Variants in LHX6 observed in about 807,000 individuals in gnomAD.
LHX6 encodes LIM/homeobox protein Lhx6.
LHX6 carries 15 observed loss-of-function variants against 47.1 expected under a neutral mutation model. That is an observed-to-expected ratio of 0.32 (90% CI 0.21 to 0.49). LHX6 has a LOEUF of 0.49. Ranked by LOEUF, LHX6 falls within the 20% of genes least tolerant of loss-of-function variation. LHX6 has a pLI of 0.99. For synonymous variants in LHX6, 242 were observed against 233.5 expected (o/e 1.04, Z -0.33); for missense variants, 404 against 539.6 (o/e 0.75, Z 2.49).
chr9:122,214,523 C>A lies in LHX6; in HGVS notation c.683-140G>T. ...GGAGCAGGGATCCCAGGGTCCTAGT[C>A]CCTGAGCTCAGTCTTTGGGGAAGGG... is the stretch of plus-strand genomic sequence containing the variant. On this transcript the variant is annotated intron_variant, in intron 5 of 9. Transcript: ENST00000394319. The surrounding 1 kb of genome is among the most constrained non-coding windows in gnomAD (Gnocchi z 4.6). The A allele has an allele frequency of 2.4e-6, 3 of 1,235,806 alleles. No individual in the cohort carries two copies. Among genetic ancestry groups the A allele is most frequent in the Non-Finnish European group, 1.1e-6 (1 of 940,732 alleles). 76.6% of individuals were successfully genotyped at this position (1,235,806 alleles called of 1,614,324 possible). A position where few individuals can be genotyped will look rare whatever the true frequency, so the allele number is the denominator to read the frequency against.
chr9:122,226,944 G>A lies in LHX6; in HGVS notation c.243C>T (p.Val81=). ...ASPCTPSTPS[V]CSPPSAASSV... ...AGGAGGCGGCAGAGGGCGGTGAGCA[G>A]ACAGATGGCGTGCTGGGCGTACATG... Residue 81 remains valine, a synonymous_variant, in exon 3 of 10, where the codon GTC becomes GTT. Coordinates refer to ENST00000394319, the MANE Select transcript of LHX6 (RefSeq NM_014368.5). This position sits in a 1 kb window ranked among gnomAD's most constrained non-coding sequence, Gnocchi z 6.5. The A allele has an allele frequency of 6.4e-7, 1 of 1,557,336 alleles. No individual in the cohort carries two copies. The highest frequency in any genetic ancestry group is 8.7e-7 in the Non-Finnish European group (1 of 1,150,662).
chr9:122,214,170 G>C lies in LHX6; in HGVS notation c.784-101C>G. The C allele has an allele frequency of 7.1e-7, 1 of 1,399,744 alleles. No homozygotes were observed. The highest frequency in any genetic ancestry group is 9.5e-7 in the Non-Finnish European group (1 of 1,049,208). The allele number at this position is 1,399,744 out of a possible 1,614,324, so 86.7% of individuals were successfully genotyped here. On this transcript the variant is annotated intron_variant, in intron 6 of 9. Transcript: ENST00000394319. The surrounding 1 kb of genome is among the most constrained non-coding windows in gnomAD (Gnocchi z 4.6). ...CACAGGCCACGCCCCAGGCAGCTGC[G>C]GCCCCGCCCCGCCACCCGGGTCCGG...
chr9:122,227,482 T>C lies in LHX6; in HGVS notation c.85-2A>G. 1 of 369,182 alleles carries C rather than the reference T, an allele frequency of 2.7e-6. No homozygotes were observed. The highest frequency in any genetic ancestry group is 1.9e-5 in the South Asian group (1 of 52,274). 22.9% of individuals were successfully genotyped at this position (369,182 alleles called of 1,614,324 possible). ...GCCGGACCCTGGCTGGGCCATCACC[T>C]GGGGGAGGGGGGGAGGGAACGCAGG... is the stretch of plus-strand genomic sequence containing the variant. On this transcript the variant is annotated splice_acceptor_variant, in intron 1 of 9. Coordinates refer to ENST00000394319, the MANE Select transcript of LHX6 (RefSeq NM_014368.5). LOFTEE classifies it high-confidence loss of function.
intron 2 of LHX6, 22 bp from the exon 3 acceptor site, chr9:122,227,052 G>A: frequency 6.8e-7 from 1 of 1,460,148 alleles, no homozygotes; most frequent in Non-Finnish European, 9.0e-7. Context: ...GAGAGAAGGA[G>A]AGGAGCGCTG....
chr9:122,227,046 G>A lies in LHX6; in HGVS notation c.157-16C>T. The A allele has an allele frequency of 1.4e-6, 2 of 1,468,750 alleles. No individual in the cohort carries two copies. The highest frequency in any genetic ancestry group is 1.4e-5 in the South Asian group (1 of 71,094). 91.0% of individuals were successfully genotyped at this position (1,468,750 alleles called of 1,614,324 possible). ...CAGACTGAGCCTGCGGCGGGGGAGA[G>A]AAGGAGAGGAGCGCTGATCCGGGCA... On this transcript the variant is annotated splice_polypyrimidine_tract_variant and intron_variant, in intron 2 of 9. Transcript: ENST00000394319.
chr9:122,204,316 T>C lies in LHX6; in HGVS notation c.*444A>G, dbSNP rs1830088920. 5.1e-6 allele frequency: 1 copy of C among 197,162 alleles called. No individual in the cohort carries two copies. The highest frequency in any genetic ancestry group is 6.1e-5 in the Admixed American group (1 of 16,434). 12.2% of individuals were successfully genotyped at this position (197,162 alleles called of 1,614,324 possible). A position where few individuals can be genotyped will look rare whatever the true frequency, so the allele number is the denominator to read the frequency against. On this transcript the variant is annotated 3_prime_UTR_variant, in exon 10 of 10. Transcript: ENST00000394319. ...TTCCAGACAAAAGCAACAGAGTGGATAACATTGGGGGTTGTCAGCTATTCA... is the reference window on the plus strand; with the variant it reads ...TTCCAGACAAAAGCAACAGAGTGGACAACATTGGGGGTTGTCAGCTATTCA...
chr9:122,213,887 C>A lies in LHX6; in HGVS notation c.879+87G>T, dbSNP rs1341558014. 4 of 1,515,342 alleles carry A rather than the reference C, an allele frequency of 2.6e-6. No homozygotes were observed. In the South Asian group the frequency reaches 4.7e-5, roughly 18 times the overall value. 93.9% of individuals were successfully genotyped at this position (1,515,342 alleles called of 1,614,324 possible). A position where few individuals can be genotyped will look rare whatever the true frequency, so the allele number is the denominator to read the frequency against. On this transcript the variant is annotated intron_variant, in intron 7 of 9. Coordinates refer to ENST00000394319, the MANE Select transcript of LHX6 (RefSeq NM_014368.5). The surrounding 1 kb of genome is among the most constrained non-coding windows in gnomAD (Gnocchi z 5.5). ...GTCGCCTCCTGGAGAAGGATGGCCA[C>A]GTGCACGCACCACCCTCCGCGCCGA...
At chr9:122,227,669 A>G in intron 1 of LHX6, 189 bp from the exon 2 acceptor site, 1 of 1,277,394 alleles carries the variant, frequency 7.8e-7, no homozygotes, top group Non-Finnish European at 1.0e-6. Context: ...TTGAATTTGG[A>G]TTGGATTTTT....
At position 122,214,558 on chromosome 9, in the gene LHX6, C is replaced by A. The variant is rs894872338; in HGVS notation, c.683-175G>T. ...AGTCTTTGGGGAAGGGGTTTCTGAG[C>A]GTCCGCTTAGTACTGGACACTTCTT... On this transcript the variant is annotated intron_variant, in intron 5 of 9. Coordinates refer to ENST00000394319, the MANE Select transcript of LHX6 (RefSeq NM_014368.5). This position sits in a 1 kb window ranked among gnomAD's most constrained non-coding sequence, Gnocchi z 4.6. 5.7e-6 allele frequency: 3 copies of A among 522,614 alleles called. No individual in the cohort carries two copies. The highest frequency in any genetic ancestry group is 7.4e-6 in the Non-Finnish European group (3 of 406,928). 32.4% of individuals were successfully genotyped at this position (522,614 alleles called of 1,614,324 possible). A position where few individuals can be genotyped will look rare whatever the true frequency, so the allele number is the denominator to read the frequency against.
At chr9:122,216,800 A>G (rs750312349) in intron 5 of LHX6, among the ~76,000 whole-genome samples, 20 of 152,204 alleles carry the variant, frequency 1.3e-4, no homozygotes, top group Non-Finnish European at 2.8e-4. Flanking sequence ...CAGCTAGCTC[A>G]TCTATCTTTG....
At chr9:122,216,455 G>A (rs914578716) in intron 5 of LHX6, among the ~76,000 whole-genome samples, 1 of 152,220 alleles carries the variant, frequency 6.6e-6, no homozygotes, top group African/African-American at 2.4e-5. Context: ...CAGATGTAGG[G>A]ACTGAGGCCC....
In LHX6 at chr9:122,213,549, G is replaced by C; in HGVS notation, c.1054+57C>G. The C allele has an allele frequency of 1.4e-6, 2 of 1,461,368 alleles. No individual in the cohort carries two copies. Among genetic ancestry groups the C allele is most frequent in the African/African-American group, 1.4e-5 (1 of 71,110 alleles). The allele number at this position is 1,461,368 out of a possible 1,614,324, so 90.5% of individuals were successfully genotyped here. ...GCCTCGGCCTCAGCCGCCCACGTGC[G>C]CTCCTCCGCGCCCCCTCCCCGCAGG... is the stretch of plus-strand genomic sequence containing the variant. On this transcript the variant is annotated intron_variant, in intron 8 of 9. Coordinates refer to ENST00000394319, the MANE Select transcript of LHX6 (RefSeq NM_014368.5). This position sits in a 1 kb window ranked among gnomAD's most constrained non-coding sequence, Gnocchi z 5.5.
In LHX6 at chr9:122,214,485, C is replaced by A; in HGVS notation, c.683-102G>T. 7.2e-7 allele frequency: 1 copy of A among 1,390,438 alleles called. No homozygotes were observed. The allele number at this position is 1,390,438 out of a possible 1,614,324, so 86.1% of individuals were successfully genotyped here. ...AGCTTGTCCCTGGAAGGGTCAGGAG[C>A]GGGAGTTGGCTGGGAGCAGGGATCC... On this transcript the variant is annotated intron_variant, in intron 5 of 9. Transcript: ENST00000394319. This position sits in a 1 kb window ranked among gnomAD's most constrained non-coding sequence, Gnocchi z 4.6.
In LHX6 at chr9:122,214,529, G is replaced by C; in HGVS notation, c.683-146C>G. 1 of 1,197,306 alleles carries C rather than the reference G, an allele frequency of 8.4e-7. No homozygotes were observed. The highest frequency in any genetic ancestry group is 3.6e-5 in the Admixed American group (1 of 27,460). 74.2% of individuals were successfully genotyped at this position (1,197,306 alleles called of 1,614,324 possible). A position where few individuals can be genotyped will look rare whatever the true frequency, so the allele number is the denominator to read the frequency against. ...GGGATCCCAGGGTCCTAGTCCCTGA[G>C]CTCAGTCTTTGGGGAAGGGGTTTCT... is the stretch of plus-strand genomic sequence containing the variant. On this transcript the variant is annotated intron_variant, in intron 5 of 9. Coordinates refer to ENST00000394319, the MANE Select transcript of LHX6 (RefSeq NM_014368.5). The surrounding 1 kb of genome is among the most constrained non-coding windows in gnomAD (Gnocchi z 4.6).
rs752798437 is a variant in LHX6 at position 122,217,231 on chromosome 9, C to T, written c.519G>A (p.Val173=). ...GGTAGGCGTTGCCGCGAGCTCTCCG[C>T]ACCCAGTCGCTGGCGTAGATCTGTC... ...CGRQIYASDW[V]RRARGNAYHL... The change falls in exon 5 of 10, where the codon GTG becomes GTA. Residue 173 remains valine (V), a synonymous_variant. Coordinates refer to ENST00000394319, the MANE Select transcript of LHX6 (RefSeq NM_014368.5). The surrounding 1 kb of genome is among the most constrained non-coding windows in gnomAD (Gnocchi z 4.9). The T allele has an allele frequency of 1.2e-6, 2 of 1,613,978 alleles. No homozygotes were observed. The highest frequency in any genetic ancestry group is 3.3e-5 in the Admixed American group (2 of 60,004).
Position 122,226,705 on chromosome 9 carries a change from C to T in LHX6, c.339+143G>A, listed in dbSNP as rs539448777. ...ACGGAACCCGGGGGCTCAGGCAGACCCTAAGTCTTGCCCAAAGCTTCGCAG... is the reference window on the plus strand; with the variant it reads ...ACGGAACCCGGGGGCTCAGGCAGACTCTAAGTCTTGCCCAAAGCTTCGCAG... On this transcript the variant is annotated intron_variant, in intron 3 of 9. Transcript: ENST00000394319. This position sits in a 1 kb window ranked among gnomAD's most constrained non-coding sequence, Gnocchi z 6.5. The T allele has an allele frequency of 3.2e-6, 4 of 1,239,218 alleles. No homozygotes were observed. Among genetic ancestry groups the T allele is most frequent in the Middle Eastern group, 2.8e-4 (1 of 3,546 alleles). The allele number at this position is 1,239,218 out of a possible 1,614,324, so 76.8% of individuals were successfully genotyped here.
At chr9:122,228,502 C>A in intron 1 of LHX6, 155 bp downstream of exon 1, 1 of 1,289,420 alleles carries the variant, frequency 7.8e-7, no homozygotes, top group South Asian at 1.6e-5. Context: ...CCCCCCCGCT[C>A]GCGCGCGCGC....
In LHX6 at chr9:122,227,296, G is replaced by T. The variant is rs1831144883; in HGVS notation, c.156+113C>A. ...CGAGGCTCAGAGAGGGGCGGCGCCC[G>T]CCGGGAGTCCCCCAGAGCGTGAGCA... On this transcript the variant is annotated intron_variant, in intron 2 of 9. Transcript: ENST00000394319. The T allele has an allele frequency of 9.7e-6, 11 of 1,136,306 alleles. No homozygotes were observed. In the East Asian group the frequency reaches 1.2e-4, roughly 12 times the overall value. The allele number at this position is 1,136,306 out of a possible 1,614,324, so 70.4% of individuals were successfully genotyped here. A position where few individuals can be genotyped will look rare whatever the true frequency, so the allele number is the denominator to read the frequency against.
At chr9:122,227,111 C>T (rs1322409002) in intron 2 of LHX6, 81 bp from the exon 3 acceptor site, 1 of 1,312,452 alleles carries the variant, frequency 7.6e-7, no homozygotes, top group Non-Finnish European at 1.0e-6. Flanking sequence ...TCTGGGGCCC[C>T]CGAGCACCAA....
Sources: allele counts gnomAD v4.1 joint callset (sites outside exome capture counted in the v4.1 genomes callset), GRCh38; gene constraint gnomAD v4.1.1; non-coding constraint Gnocchi (gnomAD v3.1); transcripts MANE v1.5; gene names NCBI Gene and HGNC (gene_info 2026-07-23, HGNC 2026-07-21).